Variants in ADD2 observed in about 807,000 individuals in gnomAD.
The protein encoded by ADD2 is beta-adducin.
In ADD2, 23 loss-of-function variants were observed where a neutral mutation model predicts 83.0. The ratio of observed to expected loss-of-function variants is 0.28; its 90% CI spans 0.20 to 0.39. The LOEUF (loss-of-function observed/expected upper bound fraction) is 0.39, where lower values mean the gene tolerates loss of function less well. Ranked by LOEUF, ADD2 falls within the 10% of genes least tolerant of loss-of-function variation. The probability of loss-of-function intolerance (pLI) is 1.00; values close to 1 mark genes in which losing one functional copy is unlikely to be tolerated. For synonymous variants in ADD2, 375 were observed against 375.4 expected (o/e 1.00, Z 0.01); for missense variants, 758 against 944.9 (o/e 0.80, Z 2.59).
At chr2:70,751,425 C>T (rs1666071309) in intron 1 of ADD2, among the ~76,000 whole-genome samples, 3 of 152,086 alleles carry the variant, frequency 2.0e-5, no homozygotes, top group Non-Finnish European at 2.9e-5. Context: ...TACAGTGTTA[C>T]GTTTGGTGTT....
chr2:70,681,803 T>G (rs1330144925), intron 10 of ADD2, among the ~76,000 whole-genome samples: 1 of 152,162 alleles, frequency 6.6e-6, no homozygotes, highest in Non-Finnish European at 1.5e-5. Flanking sequence ...TATTCTAGAA[T>G]AATATTAAAT....
intron 1 of ADD2, among the ~76,000 whole-genome samples, chr2:70,736,000 GC>G (rs1312454092): frequency 6.6e-6 from 1 of 151,112 alleles, no homozygotes; most frequent in Non-Finnish European, 1.5e-5. Flanking sequence ...GCCACACACA[GC>G]CCATGTTCCC....
intron 10 of ADD2, among the ~76,000 whole-genome samples, chr2:70,680,612 T>C (rs1670408697): frequency 6.6e-6 from 1 of 152,232 alleles, no homozygotes; most frequent in African/African-American, 2.4e-5. Context: ...CTTTACCCTA[T>C]TGAAGCTTTC....
intron 4 of ADD2, 56 bp downstream of exon 4, chr2:70,704,265 C>CCCCCCCCCCCCCCCCCCCCCCCAA: frequency 2.3e-6 from 1 of 442,438 alleles, no homozygotes; most frequent in Non-Finnish European, 4.5e-6. Flanking sequence ...CCCTCTCTTC[C>CCCCCCCCCCCCCCCCCCCCCCCAA]CCACCCCACC....
chr2:70,739,869 T>C (rs1238915980), intron 1 of ADD2, among the ~76,000 whole-genome samples: 1 of 152,078 alleles, frequency 6.6e-6, no homozygotes, highest in African/African-American at 2.4e-5. Context: ...GGGGCCTACT[T>C]GAGGGTGGAG....
chr2:70,677,683 C>G, intron 12 of ADD2, 75 bp downstream of exon 12: 1 of 1,574,140 alleles, frequency 6.4e-7, no homozygotes, highest in Non-Finnish European at 8.7e-7. Flanking sequence ...ATCCTGGGAA[C>G]TCAGCTCCTG....
chr2:70,683,483 A>T, intron 10 of ADD2, 108 bp downstream of exon 10: 3 of 1,191,666 alleles, frequency 2.5e-6, no homozygotes, highest in South Asian at 1.6e-5. Context: ...TCAACAACCT[A>T]GTTGTGATGC....
chr2:70,765,317 C>A (rs538352509), intron 1 of ADD2, among the ~76,000 whole-genome samples: 1 of 152,198 alleles, frequency 6.6e-6, no homozygotes, highest in Admixed American at 6.5e-5. Context: ...CATGCCACTG[C>A]GCTCCAGCCT....
chr2:70,727,977 G>C (rs1574295574), intron 1 of ADD2, among the ~76,000 whole-genome samples: 1 of 152,256 alleles, frequency 6.6e-6, no homozygotes, highest in South Asian at 2.1e-4. Context: ...AAGAACAGGA[G>C]GATGGGACCT....
chr2:70,684,706 C>CCA (rs1327576323), intron 9 of ADD2, among the ~76,000 whole-genome samples: 1 of 152,200 alleles, frequency 6.6e-6, no homozygotes, highest in African/African-American at 2.4e-5. Context: ...AGAAAGGAGA[C>CCA]AGATAAAATG....
At chr2:70,748,757 C>T (rs1674361269) in intron 1 of ADD2, among the ~76,000 whole-genome samples, 1 of 152,136 alleles carries the variant, frequency 6.6e-6, no homozygotes, top group Non-Finnish European at 1.5e-5. Context: ...TTAAATGTGG[C>T]AGCTATATGT....
chr2:70,752,819 C>A (rs2104534825), intron 1 of ADD2, among the ~76,000 whole-genome samples: 1 of 152,308 alleles, frequency 6.6e-6, no homozygotes, highest in South Asian at 2.1e-4. Flanking sequence ...ATCCGGAGAC[C>A]AGCAACATCA....
chr2:70,704,267 CACCCCACCCT>C, intron 4 of ADD2, 44 bp downstream of exon 4: 2 of 1,066,672 alleles, frequency 1.9e-6, no homozygotes, highest in Non-Finnish European at 2.7e-6. Flanking sequence ...CTCTCTTCCC[CACCCCACCCT>C]CCCCTCCACC....
At chr2:70,758,879 AT>A (rs1553384352) in intron 1 of ADD2, among the ~76,000 whole-genome samples, 1 of 152,176 alleles carries the variant, frequency 6.6e-6, no homozygotes, top group African/African-American at 2.4e-5. Context: ...CTCTAAAGTA[AT>A]CCAGAGTTTC....
At position 70,676,429 on chromosome 2, in the gene ADD2, G is replaced by A; in HGVS notation, c.1593+367C>T. The A allele has an allele frequency of 8.2e-7, 1 of 1,215,618 alleles. No individual in the cohort carries two copies. The highest frequency in any genetic ancestry group is 1.0e-6 in the Non-Finnish European group (1 of 972,178). The allele number at this position is 1,215,618 out of a possible 1,614,324, so 75.3% of individuals were successfully genotyped here. A position where few individuals can be genotyped will look rare whatever the true frequency, so the allele number is the denominator to read the frequency against. On this transcript the variant is annotated intron_variant, in intron 13 of 15. Transcript: ENST00000264436. The surrounding 1 kb of genome is among the most constrained non-coding windows in gnomAD (Gnocchi z 4.8). ...TCAGAGGTCAGAGACTCTCAGGGCT[G>A]GGCACACCTGGGGCACCTGGGAGTC...
chr2:70,724,508 T>C (rs1251536084), intron 1 of ADD2, among the ~76,000 whole-genome samples: 1 of 152,060 alleles, frequency 6.6e-6, no homozygotes, highest in Admixed American at 6.5e-5. Context: ...ACACACACTA[T>C]GCACGTGGGT....
At chr2:70,767,748 G>A (rs1358917017) in intron 1 of ADD2, 138 bp downstream of exon 1, 65 of 1,448,594 alleles carry the variant, frequency 4.5e-5, no homozygotes, top group African/African-American at 5.7e-5. Context: ...GGCCAGGGCT[G>A]CAGCACCGAC....
chr2:70,657,018 TATATA>T lies in ADD2; in HGVS notation c.*6402_*6406del, dbSNP rs1412420353. 2 of 150,560 alleles carry T rather than the reference TATATA, an allele frequency of 1.3e-5. No homozygotes were observed. The highest frequency in any genetic ancestry group is 6.6e-5 in the Admixed American group (1 of 15,080). The allele number at this position is 150,560 out of a possible 1,614,324, so 9.3% of individuals were successfully genotyped here. On this transcript the variant is annotated 3_prime_UTR_variant, in exon 16 of 16. Coordinates refer to ENST00000264436, the MANE Select transcript of ADD2 (RefSeq NM_001617.4). ...AAACCAACCCATAAATATATATATA[TATATA>T]ATATGTGTATATATATAAAATTGCA...
chr2:70,732,333 A>G (rs1553379457), intron 1 of ADD2, among the ~76,000 whole-genome samples: 1 of 152,210 alleles, frequency 6.6e-6, no homozygotes, highest in Non-Finnish European at 1.5e-5. Context: ...ACCTTGCTGA[A>G]TGCTGAGCTT....
Sources: gnomAD v4.1 joint callset for allele counts (sites outside exome capture counted in the v4.1 genomes callset) on GRCh38, gnomAD v4.1.1 for gene constraint, Gnocchi (gnomAD v3.1) non-coding constraint, MANE v1.5 for transcripts, NCBI Gene and HGNC (gene_info 2026-07-23, HGNC 2026-07-21) for gene names.